The following SEMA3E variants were observed in gnomAD, a reference collection of about 807,000 sequenced individuals.
SEMA3E encodes the protein semaphorin 3E, also known as semaphorin-3E.
SEMA3E carries 49 observed loss-of-function variants against 93.6 expected under a neutral mutation model. The ratio of observed to expected loss-of-function variants is 0.52; its 90% confidence interval spans 0.42 to 0.66. The LOEUF is 0.66. Among genes scored for constraint, SEMA3E ranks in the 30% least tolerant of loss-of-function variants. The pLI is 0.00. For synonymous variants in SEMA3E, 363 were observed against 330.7 expected (o/e 1.10, Z -1.06); for missense variants, 906 against 964.8 (o/e 0.94, Z 0.81).
At chr7:83,465,091 G>A (rs1230385731) in intron 4 of SEMA3E, among the ~76,000 whole-genome samples, 2 of 151,916 alleles carry the variant, frequency 1.3e-5, no homozygotes, top group African/African-American at 4.8e-5. Context: ...GTAAATGGCT[G>A]GTCTTTGCCT....
intron 1 of SEMA3E, among the ~76,000 whole-genome samples, chr7:83,583,928 G>T (rs970631637): frequency 1.3e-5 from 2 of 152,230 alleles, no homozygotes; most frequent in South Asian, 2.1e-4. Context: ...AAATCAGAAA[G>T]AACTTGAGTC....
chr7:83,423,958 T>C (rs1788720674), intron 4 of SEMA3E, among the ~76,000 whole-genome samples: 1 of 152,138 alleles, frequency 6.6e-6, no homozygotes, highest in South Asian at 2.1e-4. Flanking sequence ...ATACAAAAAA[T>C]AAAATGTATG....
intron 4 of SEMA3E, among the ~76,000 whole-genome samples, chr7:83,428,560 T>C (rs1000271399): frequency 1.3e-4 from 20 of 152,270 alleles, no homozygotes; most frequent in African/African-American, 4.6e-4. Context: ...TAATTCTGAA[T>C]GTGATTCACT....
chr7:83,441,964 T>C (rs1789123970), intron 4 of SEMA3E, among the ~76,000 whole-genome samples: 1 of 152,206 alleles, frequency 6.6e-6, no homozygotes, highest in Non-Finnish European at 1.5e-5. Context: ...CTTTGAATTC[T>C]TTACAAAGAG....
At chr7:83,609,065 A>T (rs1163944002) in intron 1 of SEMA3E, among the ~76,000 whole-genome samples, 1 of 152,104 alleles carries the variant, frequency 6.6e-6, no homozygotes, top group Non-Finnish European at 1.5e-5. Flanking sequence ...ATAGTGTTAT[A>T]TAAAGTGTAT....
chr7:83,563,903 C>T (rs1792086908), intron 1 of SEMA3E, among the ~76,000 whole-genome samples: 1 of 151,934 alleles, frequency 6.6e-6, no homozygotes, highest in South Asian at 2.1e-4. Context: ...ATTCACTTCA[C>T]CAAAAAATAA....
chr7:83,533,394 A>C (rs569974330), intron 1 of SEMA3E, among the ~76,000 whole-genome samples: 47 of 152,024 alleles, frequency 3.1e-4, no homozygotes, highest in Non-Finnish European at 5.1e-4. Flanking sequence ...AAATACAAAA[A>C]TTAGCCAGTC....
chr7:83,527,790 T>C (rs13238377), intron 1 of SEMA3E, among the ~76,000 whole-genome samples: 79,659 of 151,094 alleles, frequency 0.53, 23,275 homozygotes, highest in Middle Eastern at 0.7. Flanking sequence ...TTTTTTTTTG[T>C]TTGTTGTCAT....
At chr7:83,368,239 A>C (rs1166044435) in intron 16 of SEMA3E, among the ~76,000 whole-genome samples, 1 of 149,762 alleles carries the variant, frequency 6.7e-6, no homozygotes, top group East Asian at 2.0e-4. Context: ...GTGTGTGTGT[A>C]TTCTGAAGAT....
At chr7:83,645,719 TTCTCTCTCTC>T (rs57724559) in intron 1 of SEMA3E, among the ~76,000 whole-genome samples, 4 of 146,552 alleles carry the variant, frequency 2.7e-5, no homozygotes, top group African/African-American at 7.5e-5. Context: ...CCTTGTCTCC[TTCTCTCTCTC>T]TCTCTCTCTC....
chr7:83,558,708 A>G (rs184352545), intron 1 of SEMA3E, among the ~76,000 whole-genome samples: 6 of 152,190 alleles, frequency 3.9e-5, no homozygotes, highest in Admixed American at 1.3e-4. Flanking sequence ...ACAAACCACA[A>G]TAAAATGAGA....
rs928310547 is a variant in SEMA3E, at chr7:83,364,861, G to A, written c.*2725C>T. On this transcript the variant is annotated 3_prime_UTR_variant, in exon 17 of 17. Transcript: ENST00000643230. ...AGAAAGAGAAAAATGGGGAAAATTT[G>A]GTGAGATGAAGGGTGAACTCTTAAT... 1 of 152,166 alleles carries A rather than the reference G, an allele frequency of 6.6e-6. No individual in the cohort carries two copies. Among genetic ancestry groups the A allele is most frequent in the East Asian group, 1.9e-4 (1 of 5,194 alleles). The allele number at this position is 152,166 out of a possible 1,614,324, so 9.4% of individuals were successfully genotyped here.
chr7:83,490,057 T>C, intron 2 of SEMA3E, 57 bp downstream of exon 2: 1 of 1,544,030 alleles, frequency 6.5e-7, no homozygotes, highest in Admixed American at 1.7e-5. Flanking sequence ...CAAGTAACAT[T>C]CTTGAAATTT....
At chr7:83,590,133 ACACATTTT>A (rs1304243295) in intron 1 of SEMA3E, among the ~76,000 whole-genome samples, 3 of 152,182 alleles carry the variant, frequency 2.0e-5, no homozygotes, top group African/African-American at 7.2e-5. Context: ...AAGATTAGTA[ACACATTTT>A]CACTGTAAAA....
In SEMA3E at chr7:83,648,818, A is replaced by T. The variant is rs917883602; in HGVS notation, c.-276T>A. The T allele has an allele frequency of 2.4e-6, 1 of 418,900 alleles. No individual in the cohort carries two copies. Among genetic ancestry groups the T allele is most frequent in the South Asian group, 3.4e-5 (1 of 29,714 alleles). The allele number at this position is 418,900 out of a possible 1,614,324, so 25.9% of individuals were successfully genotyped here. A position where few individuals can be genotyped will look rare whatever the true frequency, so the allele number is the denominator to read the frequency against. On this transcript the variant is annotated 5_prime_UTR_variant, in exon 1 of 17. The change creates a new upstream start codon in the 5' untranslated region. Coordinates refer to ENST00000643230, the MANE Select transcript of SEMA3E (RefSeq NM_012431.3). ...GTCCTGTCTAGAGCGCTCTTCAGCA[A>T]CTACGCCGGTAGATTCAGGAAGAAG...
chr7:83,418,523 CTCT>C (rs1393469719), intron 4 of SEMA3E, 40 bp from the exon 5 acceptor site: 1 of 1,307,746 alleles, frequency 7.6e-7, no homozygotes, highest in Admixed American at 1.8e-5. Flanking sequence ...AATATGCCTC[CTCT>C]AATAATCATT....
At chr7:83,555,637 A>T (rs215261) in intron 1 of SEMA3E, among the ~76,000 whole-genome samples, 1 of 151,982 alleles carries the variant, frequency 6.6e-6, no homozygotes, top group African/African-American at 2.4e-5. Context: ...GCAAATCAAT[A>T]GACTCCTAAT....
chr7:83,615,788 G>T (rs948977003), intron 1 of SEMA3E, among the ~76,000 whole-genome samples: 2 of 152,060 alleles, frequency 1.3e-5, no homozygotes, highest in African/African-American at 4.8e-5. Context: ...TGGAAGAAGC[G>T]TGGGGGAGTT....
intron 13 of SEMA3E, among the ~76,000 whole-genome samples, chr7:83,393,300 A>G (rs1411690468): frequency 6.6e-6 from 1 of 151,810 alleles, no homozygotes; most frequent in Non-Finnish European, 1.5e-5. Flanking sequence ...TTGGGAGGCT[A>G]AGGCAGGTAA....
Sources: gnomAD v4.1 joint callset for allele counts (sites outside exome capture counted in the v4.1 genomes callset) on GRCh38, gnomAD v4.1.1 for gene constraint, MANE v1.5 for transcripts, NCBI Gene and HGNC (gene_info 2026-07-23, HGNC 2026-07-21) for gene names.